Variants in ZBTB40 observed in about 807,000 individuals in gnomAD.
The protein encoded by ZBTB40 is zinc finger and BTB domain containing 40.
ZBTB40 carries 60 observed loss-of-function variants against 117.5 expected under a neutral mutation model. The observed-to-expected ratio is 0.51, with a 90% CI of 0.41 to 0.63. ZBTB40 has a LOEUF of 0.63. Among genes scored for constraint, ZBTB40 ranks in the 30% least tolerant of loss-of-function variants. The pLI is 0.00. For synonymous variants in ZBTB40, 525 were observed against 577.1 expected, an observed-to-expected ratio of 0.91 and a Z score of 1.29; for missense variants, 1,287 against 1,498.5, an observed-to-expected ratio of 0.86 and a Z score of 2.33.
At chr1:22,428,937 G>A (rs1466443805) in exon 1 of ZBTB40, among the ~76,000 whole-genome samples, 6 of 152,196 alleles carry the variant, frequency 3.9e-5, no homozygotes, top group Admixed American at 1.3e-4. Context: ...CTTCTTGCCG[G>A]TTGGAATATT....
chr1:22,462,311 G>C (rs911198402), intron 1 of ZBTB40, among the ~76,000 whole-genome samples: 5 of 152,106 alleles, frequency 3.3e-5, no homozygotes. Context: ...TTGTGATTTG[G>C]GGCAGGTCAT....
chr1:22,528,845 T>C lies in ZBTB40; in HGVS notation c.*2449T>C, dbSNP rs1639753470. 1 of 152,314 alleles carries C rather than the reference T, an allele frequency of 6.6e-6. No individual in the cohort carries two copies. The highest frequency in any genetic ancestry group is 2.4e-5 in the African/African-American group (1 of 41,560). 9.4% of individuals were successfully genotyped at this position (152,314 alleles called of 1,614,324 possible). On this transcript the variant is annotated 3_prime_UTR_variant, in exon 18 of 18. Transcript: ENST00000375647. ...GCCACTACGCCTGGCCAGGTTTCTGTTGGAGACCCAGATTGTGACAAGACA... is the reference window on the plus strand; with the variant it reads ...GCCACTACGCCTGGCCAGGTTTCTGCTGGAGACCCAGATTGTGACAAGACA...
intron 3 of ZBTB40, 103 bp from the exon 4 acceptor site, chr1:22,501,389 G>T: frequency 7.8e-7 from 1 of 1,278,944 alleles, no homozygotes; most frequent in Non-Finnish European, 1.1e-6. Flanking sequence ...TTCAGGAGAA[G>T]CTGGCGGGAA....
rs769947982 is a variant in ZBTB40, at chr1:22,490,791, GTGTC to G, written c.697+150_697+153del. Reference sequence around the variant, plus strand: ...ACCGTACTGGGCCATTCTTTTAAAAGTGTCTGTGTTTTTGAACATTGAAAGTCCA... The same window carrying G: ...ACCGTACTGGGCCATTCTTTTAAAAGTGTGTTTTTGAACATTGAAAGTCCA... On this transcript the variant is annotated intron_variant, in intron 2 of 17. Transcript: ENST00000375647. 196 of 915,462 alleles carry G rather than the reference GTGTC, an allele frequency of 2.1e-4. 1 individual carries two copies. Among genetic ancestry groups the G allele is most frequent in the Admixed American group, 1.6e-3 (72 of 44,988 alleles). 56.7% of individuals were successfully genotyped at this position (915,462 alleles called of 1,614,324 possible).
intron 1 of ZBTB40, among the ~76,000 whole-genome samples, chr1:22,470,626 C>T (rs1433286566): frequency 6.6e-6 from 1 of 152,094 alleles, no homozygotes; most frequent in Non-Finnish European, 1.5e-5. Flanking sequence ...GAGAAAGAGA[C>T]TGAAAAATTA....
chr1:22,468,465 CT>C (rs555995462), intron 1 of ZBTB40, among the ~76,000 whole-genome samples: 889 of 51,692 alleles, frequency 0.017, 64 homozygotes, highest in African/African-American at 0.054. Context: ...TTAATGTTTC[CT>C]TTTTTTTTTT....
At chr1:22,486,014 G>A (rs966972493) in intron 1 of ZBTB40, among the ~76,000 whole-genome samples, 1 of 151,660 alleles carries the variant, frequency 6.6e-6, no homozygotes, top group African/African-American at 2.4e-5. Context: ...AAATCCTGGT[G>A]TGCTAATTCG....
chr1:22,477,671 AAAG>A (rs1641584701), intron 1 of ZBTB40, among the ~76,000 whole-genome samples: 1 of 151,896 alleles, frequency 6.6e-6, no homozygotes, highest in African/African-American at 2.4e-5. Context: ...AAAGAAAAGA[AAAG>A]AAAGAAAGCT....
intron 1 of ZBTB40, among the ~76,000 whole-genome samples, chr1:22,482,875 G>A (rs530342197): frequency 7.2e-5 from 11 of 152,166 alleles, no homozygotes; most frequent in Non-Finnish European, 1.2e-4. Flanking sequence ...TCAGGAGATC[G>A]AGACCATCCT....
At chr1:22,486,725 T>G (rs558909856) in intron 1 of ZBTB40, among the ~76,000 whole-genome samples, 1 of 14,646 alleles carries the variant, frequency 6.8e-5, no homozygotes, top group East Asian at 0.011. Flanking sequence ...TTTTTTTGTT[T>G]TGTTTTGTTT....
intron 1 of ZBTB40, among the ~76,000 whole-genome samples, chr1:22,469,572 T>TA (rs1427023798): frequency 6.6e-6 from 1 of 152,190 alleles, no homozygotes; most frequent in African/African-American, 2.4e-5. Flanking sequence ...TGTTTTTTTT[T>TA]ATGAGACGGA....
chr1:22,459,255 A>G (rs1162002106), intron 1 of ZBTB40, among the ~76,000 whole-genome samples: 2 of 152,162 alleles, frequency 1.3e-5, no homozygotes, highest in Non-Finnish European at 2.9e-5. Flanking sequence ...TTGCAGTCAT[A>G]GTTAGGATAT....
Position 22,507,991 on chromosome 1 carries a change from A to C in ZBTB40, c.1361-10A>C. 6.2e-7 allele frequency: 1 copy of C among 1,614,128 alleles called. No homozygotes were observed. The highest frequency in any genetic ancestry group is 1.3e-5 in the African/African-American group (1 of 75,036). ...CATCAAACATTATTGTTTTGCTAAT[A>C]TCCTTACAGTCCAACCAAGCCCTGA... is the stretch of plus-strand genomic sequence containing the variant. On this transcript the variant is annotated splice_polypyrimidine_tract_variant and intron_variant, in intron 6 of 17. Coordinates refer to ENST00000375647, the MANE Select transcript of ZBTB40 (RefSeq NM_014870.4).
At chr1:22,448,122 C>T (rs568440374), upstream of ZBTB40, among the ~76,000 whole-genome samples, 1 of 152,290 alleles carries the variant, frequency 6.6e-6, no homozygotes, top group East Asian at 1.9e-4. Flanking sequence ...GGAGAGAAGA[C>T]AGCAAAACTG....
intron 1 of ZBTB40, among the ~76,000 whole-genome samples, chr1:22,466,924 A>G (rs1334960320): frequency 6.6e-6 from 1 of 151,862 alleles, no homozygotes; most frequent in Non-Finnish European, 1.5e-5. Context: ...ATGAAATTCG[A>G]TTTATTTATT....
At position 22,511,301 on chromosome 1, in the gene ZBTB40, A is replaced by G; in HGVS notation, c.1956A>G (p.Lys652=). The G allele has an allele frequency of 1.2e-6, 2 of 1,614,084 alleles. No homozygotes were observed. The highest frequency in any genetic ancestry group is 1.7e-6 in the Non-Finnish European group (2 of 1,180,030). The change falls in exon 10 of 18, where the codon AAA becomes AAG. Residue 652 remains lysine, a synonymous_variant. Transcript: ENST00000375647. ...GCCACCTCCTGTGCAGTGTCCACAA[A>G]TCTTTTCCAGGCCTGCAGCCTGTCA... ...EICHLLCSVH[K]SFPGLQPVMQ...
rs757854286 is a variant in ZBTB40, at chr1:22,517,315, G to T, written c.2684G>T (p.Cys895Phe). 1 of 1,614,118 alleles carries T rather than the reference G, an allele frequency of 6.2e-7. No homozygotes were observed. The highest frequency in any genetic ancestry group is 1.1e-5 in the South Asian group (1 of 91,082). ...KKHSEGKMYA[C>F]QYCDAVFAQS... ...GTATTTGCAGGGAAAATGTATGCATGCCAGTACTGTGATGCTGTGTTTGCC... is the reference window on the plus strand; with the variant it reads ...GTATTTGCAGGGAAAATGTATGCATTCCAGTACTGTGATGCTGTGTTTGCC... The change falls in exon 13 of 18, where the codon TGC (cysteine) becomes TTC (phenylalanine). Residue 895 changes from cysteine to phenylalanine, a missense_variant. Coordinates refer to ENST00000375647, the MANE Select transcript of ZBTB40 (RefSeq NM_014870.4).
chr1:22,498,166 A>G (rs1375401613), intron 3 of ZBTB40, among the ~76,000 whole-genome samples: 1 of 152,196 alleles, frequency 6.6e-6, no homozygotes, highest in African/African-American at 2.4e-5. Flanking sequence ...TACTTCTGTG[A>G]CCTTATTAAC....
chr1:22,442,416 G>T (rs947354865), intron 1 of ZBTB40, among the ~76,000 whole-genome samples: 1 of 152,132 alleles, frequency 6.6e-6, no homozygotes, highest in Non-Finnish European at 1.5e-5. Context: ...TTATATGGGG[G>T]AGAGAGACCC....
Sources: allele counts gnomAD v4.1 joint callset (sites outside exome capture counted in the v4.1 genomes callset), GRCh38; gene constraint gnomAD v4.1.1; transcripts MANE v1.5; gene names NCBI Gene and HGNC (gene_info 2026-07-23, HGNC 2026-07-21).